The following RALYL variants were observed in gnomAD, a reference collection of about 807,000 sequenced individuals.
RALYL encodes RALY RNA binding protein like.
A neutral mutation model predicts 35.1 loss-of-function variants in RALYL; 29 were observed. That is an observed-to-expected ratio of 0.83 (90% confidence interval 0.61 to 1.13). RALYL has a LOEUF of 1.13. Among genes scored for constraint, RALYL ranks in the 50% most tolerant of loss-of-function variants. RALYL has a pLI of 0.00. For synonymous variants in RALYL, 120 were observed against 127.6 expected, an observed-to-expected ratio of 0.94 and a Z score of 0.40; for missense variants, 359 against 360.4, an observed-to-expected ratio of 1.00 and a Z score of 0.03.
chr8:84,621,153 G>T (rs1821314001), intron 2 of RALYL, among the ~76,000 whole-genome samples: 1 of 152,178 alleles, frequency 6.6e-6, no homozygotes, highest in Non-Finnish European at 1.5e-5. Flanking sequence ...GTTTACCTAA[G>T]CACGCCTGGG....
Position 84,433,719 on chromosome 8 carries a change from T to G in RALYL, c.-23-95580T>G, listed in dbSNP as rs1213040585. 5.3e-5 allele frequency among the ~76,000 whole-genome samples: 8 copies of G among 152,010 alleles called. 1 individual carries two copies. The highest frequency in any genetic ancestry group is 1.0e-4 in the Non-Finnish European group (7 of 67,994). On this transcript the variant is annotated intron_variant, in intron 1 of 8. Transcript: ENST00000521268. ...TGAGGCCTCCCCAGCCATGTGGAAC[T>G]GTAAGCCCAATTAAACCTCTTTTTC...
chr8:84,785,338 C>T (rs1819160638), intron 3 of RALYL, among the ~76,000 whole-genome samples: 1 of 152,142 alleles, frequency 6.6e-6, no homozygotes, highest in Non-Finnish European at 1.5e-5. Context: ...CTGCTACTAC[C>T]TGCCCAAACT....
At chr8:84,621,175 G>T (rs1406166248) in intron 2 of RALYL, among the ~76,000 whole-genome samples, 3 of 152,176 alleles carry the variant, frequency 2.0e-5, no homozygotes, top group African/African-American at 4.8e-5. Flanking sequence ...AATGGTGGGT[G>T]CCCCTCCCCC....
intron 2 of RALYL, among the ~76,000 whole-genome samples, chr8:84,562,524 C>A (rs573894000): frequency 1.3e-5 from 2 of 151,942 alleles, no homozygotes; most frequent in South Asian, 4.2e-4. Flanking sequence ...ATTAGGAGTT[C>A]CATCAAGTAG....
chr8:84,738,379 C>A (rs993989822), intron 2 of RALYL, among the ~76,000 whole-genome samples: 13 of 152,002 alleles, frequency 8.6e-5, no homozygotes, highest in Non-Finnish European at 1.2e-4. Flanking sequence ...ACCATAGAAC[C>A]ACGCTATGAT....
intron 2 of RALYL, among the ~76,000 whole-genome samples, chr8:84,603,110 C>A (rs776956056): frequency 2.0e-5 from 3 of 151,726 alleles, no homozygotes; most frequent in Admixed American, 6.6e-5. Flanking sequence ...GTATATTGTA[C>A]CTCCAAAAAA....
chr8:84,729,568 C>G (rs1170780631), intron 2 of RALYL, among the ~76,000 whole-genome samples: 3 of 151,962 alleles, frequency 2.0e-5, no homozygotes, highest in African/African-American at 7.3e-5. Context: ...ACACAAAAAA[C>G]CCTTCAAAAA....
At chr8:84,367,318 ATTTTT>A (rs56387511) in intron 1 of RALYL, among the ~76,000 whole-genome samples, 3 of 27,410 alleles carry the variant, frequency 1.1e-4, no homozygotes, top group African/African-American at 1.6e-4. Flanking sequence ...TAATTTTTGT[ATTTTT>A]TTTTTTTTTT....
intron 1 of RALYL, among the ~76,000 whole-genome samples, chr8:84,334,537 T>C (rs917503273): frequency 6.6e-6 from 1 of 151,314 alleles, no homozygotes; most frequent in African/African-American, 2.4e-5. Flanking sequence ...AATAATTACA[T>C]ATTAAAGTAA....
intron 3 of RALYL, 62 bp downstream of exon 3, chr8:84,774,716 G>A (rs1251237885): frequency 1.9e-6 from 2 of 1,076,106 alleles, no homozygotes; most frequent in African/African-American, 1.6e-5. Flanking sequence ...GCTTTATAAG[G>A]CAATATAACT....
chr8:84,885,171 G>T (rs1842757924), intron 7 of RALYL, among the ~76,000 whole-genome samples: 1 of 152,058 alleles, frequency 6.6e-6, no homozygotes, highest in Non-Finnish European at 1.5e-5. Flanking sequence ...AGAGCACAAT[G>T]AATGATATGT....
At chr8:84,502,024 C>T in intron 1 of RALYL, among the ~76,000 whole-genome samples, 1 of 151,182 alleles carries the variant, frequency 6.6e-6, no homozygotes, top group Non-Finnish European at 1.5e-5. Context: ...TTTTCACAAA[C>T]TATTTTGTAA....
intron 1 of RALYL, among the ~76,000 whole-genome samples, chr8:84,220,201 C>A (rs1821853908): frequency 6.6e-6 from 1 of 152,012 alleles, no homozygotes; most frequent in South Asian, 2.1e-4. Flanking sequence ...ATTAATGCTG[C>A]TACAGTTGTA....
rs1216133336 is a variant in RALYL at position 84,442,257 on chromosome 8, AG to A, written c.-23-87041del. On this transcript the variant is annotated intron_variant, in intron 1 of 8. Transcript: ENST00000521268. The stretch of plus-strand genomic sequence containing the variant: ...TAAATATACATCACTGTAATAACAT[AG>A]CTAAATTTAAATGGTAACAAACTAT... 5.3e-5 allele frequency among the ~76,000 whole-genome samples: 8 copies of A among 152,282 alleles called. No individual in the cohort carries two copies. The East Asian group carries it at 1.5e-3, about 29-fold the overall frequency.
At chr8:84,840,088 C>T (rs1290435135) in intron 4 of RALYL, among the ~76,000 whole-genome samples, 1 of 152,160 alleles carries the variant, frequency 6.6e-6, no homozygotes, top group Non-Finnish European at 1.5e-5. Flanking sequence ...AACGCAGCTC[C>T]TCACCAGCAA....
intron 4 of RALYL, among the ~76,000 whole-genome samples, chr8:84,805,638 C>T (rs553480805): frequency 1.3e-4 from 20 of 152,244 alleles, no homozygotes; most frequent in African/African-American, 4.8e-4. Context: ...GAGCCAAGAT[C>T]ACACCACTGC....
chr8:84,567,721 C>T (rs1460993909), intron 2 of RALYL, among the ~76,000 whole-genome samples: 3 of 150,794 alleles, frequency 2.0e-5, no homozygotes, highest in Non-Finnish European at 3.0e-5. Flanking sequence ...AAGTAGGTAC[C>T]AAGTAGTGGG....
intron 3 of RALYL, among the ~76,000 whole-genome samples, chr8:84,778,286 A>T (rs1817327314): frequency 6.6e-6 from 1 of 152,198 alleles, no homozygotes; most frequent in South Asian, 2.1e-4. Context: ...ACAAAGTGGT[A>T]TTCACATGAA....
At chr8:84,212,461 G>C (rs540544042) in intron 1 of RALYL, among the ~76,000 whole-genome samples, 1 of 152,056 alleles carries the variant, frequency 6.6e-6, no homozygotes, top group Admixed American at 6.6e-5. Flanking sequence ...TATTCATAGA[G>C]ACATGTAATA....
Sources: allele counts gnomAD v4.1 joint callset (sites outside exome capture counted in the v4.1 genomes callset), GRCh38; gene constraint gnomAD v4.1.1; transcripts MANE v1.5; gene names NCBI Gene and HGNC (gene_info 2026-07-23, HGNC 2026-07-21).